The following FBXL7 variants were observed in gnomAD, a reference collection of about 807,000 sequenced individuals.
FBXL7 encodes F-box and leucine rich repeat protein 7.
A neutral mutation model predicts 38.3 loss-of-function variants in FBXL7; 12 were observed. That is an observed-to-expected ratio of 0.31 (90% CI 0.20 to 0.51). The LOEUF is 0.51. FBXL7 is among the 20% of genes least tolerant of loss of function. The pLI, the probability that FBXL7 is intolerant of heterozygous loss-of-function variation, is 0.98. For synonymous variants in FBXL7, 297 were observed against 300.9 expected (o/e 0.99, Z 0.13); for missense variants, 567 against 676.4 (o/e 0.84, Z 1.79).
chr5:15,886,300 T>C (rs1359449188), intron 2 of FBXL7, among the ~76,000 whole-genome samples: 1 of 152,104 alleles, frequency 6.6e-6, no homozygotes, highest in Non-Finnish European at 1.5e-5. Flanking sequence ...TGTATGCATG[T>C]GTGTGAGTGG....
intron 2 of FBXL7, among the ~76,000 whole-genome samples, chr5:15,903,718 A>G (rs1210460746): frequency 6.6e-6 from 1 of 152,184 alleles, no homozygotes; most frequent in African/African-American, 2.4e-5. Context: ...TGTGTACCCC[A>G]TGAATATGTA....
chr5:15,563,030 C>T (rs1462814226), intron 1 of FBXL7, among the ~76,000 whole-genome samples: 1 of 152,106 alleles, frequency 6.6e-6, no homozygotes, highest in Non-Finnish European at 1.5e-5. Flanking sequence ...ACTTACTTAT[C>T]TTTTCTTCTG....
At position 15,704,727 on chromosome 5, in the gene FBXL7, A is replaced by G. The variant is rs374627250; in HGVS notation, c.127+88655A>G. Among the ~76,000 whole-genome samples the G allele has an allele frequency of 2.3e-4, 35 of 152,276 alleles. No individual in the cohort carries two copies. In the South Asian group the frequency reaches 5.4e-3, roughly 23 times the overall value. On this transcript the variant is annotated intron_variant, in intron 2 of 3. Coordinates refer to ENST00000504595, the MANE Select transcript of FBXL7 (RefSeq NM_012304.5). ...CCAGAATGCTCTTTGTCATTTGACA[A>G]TGCAGCATACTAAACTACTTAAAAT...
At chr5:15,844,406 T>C (rs1738836371) in intron 2 of FBXL7, among the ~76,000 whole-genome samples, 1 of 152,208 alleles carries the variant, frequency 6.6e-6, no homozygotes, top group Non-Finnish European at 1.5e-5. Flanking sequence ...AGTAATATTC[T>C]GAAGCCTGTC....
chr5:15,561,467 T>C (rs1195321214), intron 1 of FBXL7, among the ~76,000 whole-genome samples: 1 of 152,200 alleles, frequency 6.6e-6, no homozygotes, highest in South Asian at 2.1e-4. Context: ...CATCCGCTGA[T>C]GGATATTTAG....
chr5:15,540,368 T>G (rs1737707342), intron 1 of FBXL7, among the ~76,000 whole-genome samples: 1 of 152,176 alleles, frequency 6.6e-6, no homozygotes, highest in South Asian at 2.1e-4. Context: ...TAAGACAAAG[T>G]CCACAGGTGT....
chr5:15,558,630 C>T (rs572116467), intron 1 of FBXL7, among the ~76,000 whole-genome samples: 7 of 152,346 alleles, frequency 4.6e-5, no homozygotes, highest in South Asian at 2.1e-4. Context: ...ACTGGAGCTG[C>T]GCTTCAAAAT....
chr5:15,893,596 T>A (rs575452098), intron 2 of FBXL7, among the ~76,000 whole-genome samples: 79 of 152,284 alleles, frequency 5.2e-4, no homozygotes, highest in South Asian at 1.5e-3. Context: ...CTTTTTTTTT[T>A]AATTTTGAAT....
intron 2 of FBXL7, among the ~76,000 whole-genome samples, chr5:15,765,879 C>T (rs1231800909): frequency 6.6e-6 from 1 of 152,128 alleles, no homozygotes; most frequent in Non-Finnish European, 1.5e-5. Context: ...TGCTCTCCAA[C>T]CCTACTCTCA....
chr5:15,539,819 A>G (rs945794748), intron 1 of FBXL7, among the ~76,000 whole-genome samples: 3 of 150,812 alleles, frequency 2.0e-5, no homozygotes, highest in African/African-American at 7.3e-5. Flanking sequence ...TCTTCTAAAA[A>G]CTCTTTTTAA....
At chr5:15,601,102 G>C (rs1739774310) in intron 1 of FBXL7, among the ~76,000 whole-genome samples, 1 of 152,230 alleles carries the variant, frequency 6.6e-6, no homozygotes, top group South Asian at 2.1e-4. Context: ...GAGTGACTCA[G>C]AAGAGGCAGT....
At chr5:15,773,656 T>C (rs890703862) in intron 2 of FBXL7, among the ~76,000 whole-genome samples, 1 of 152,252 alleles carries the variant, frequency 6.6e-6, no homozygotes, top group Admixed American at 6.5e-5. Context: ...AAAATTTTTT[T>C]TCCAAAACTT....
rs528817502 is a variant in FBXL7, at chr5:15,750,261, G to C, written c.127+134189G>C. ...CTAATAATAACTATACACTGTAAGT[G>C]AAAACTAATAAATTACTCAACATTT... is the stretch of plus-strand genomic sequence containing the variant. On this transcript the variant is annotated intron_variant, in intron 2 of 3. Transcript: ENST00000504595. Among the ~76,000 whole-genome samples, 6 of 152,298 alleles carry C rather than the reference G, an allele frequency of 3.9e-5. No individual in the cohort carries two copies. In the East Asian group the frequency reaches 1.2e-3, roughly 29 times the overall value.
intron 2 of FBXL7, among the ~76,000 whole-genome samples, chr5:15,789,213 T>TG (rs1561127144): frequency 6.6e-6 from 1 of 151,920 alleles, no homozygotes; most frequent in African/African-American, 2.4e-5. Flanking sequence ...TATCTTTTTT[T>TG]TTGTTGTTGT....
rs376213773 is a variant in FBXL7, at chr5:15,900,729, T to C, written c.128-27161T>C. ...GATGATTATAAGAATTGAAGTAGTA[T>C]GGACTGTCTGAAATGTAAACGGTTT... On this transcript the variant is annotated intron_variant, in intron 2 of 3. Transcript: ENST00000504595. Among the ~76,000 whole-genome samples, 10 of 152,304 alleles carry C rather than the reference T, an allele frequency of 6.6e-5. No individual in the cohort carries two copies. In the East Asian group the frequency reaches 1.5e-3, roughly 24 times the overall value.
At chr5:15,806,186 G>T (rs541237770) in intron 2 of FBXL7, among the ~76,000 whole-genome samples, 5 of 152,280 alleles carry the variant, frequency 3.3e-5, no homozygotes, top group African/African-American at 1.2e-4. Flanking sequence ...CACTACTTCA[G>T]TATGCTTGTT....
intron 1 of FBXL7, among the ~76,000 whole-genome samples, chr5:15,574,957 G>A (rs1738907442): frequency 6.6e-6 from 1 of 151,066 alleles, no homozygotes. Context: ...CTTGGCATTA[G>A]TTCTCAACCA....
chr5:15,752,111 T>G (rs996928172), intron 2 of FBXL7, among the ~76,000 whole-genome samples: 2 of 152,164 alleles, frequency 1.3e-5, no homozygotes. Flanking sequence ...TTGCTTCACA[T>G]GGAAGTGTAT....
intron 2 of FBXL7, among the ~76,000 whole-genome samples, chr5:15,624,709 T>A (rs1740752923): frequency 6.6e-6 from 1 of 152,226 alleles, no homozygotes; most frequent in African/African-American, 2.4e-5. Flanking sequence ...AGTAGATGAT[T>A]CTGATGATTC....
Sources: allele counts gnomAD v4.1 joint callset (sites outside exome capture counted in the v4.1 genomes callset), GRCh38; gene constraint gnomAD v4.1.1; transcripts MANE v1.5; gene names NCBI Gene and HGNC (gene_info 2026-07-23, HGNC 2026-07-21).